FAM120C: variants seen among roughly 807,000 people sequenced by gnomAD.
The protein encoded by FAM120C is family with sequence similarity 120 member C.
Under a neutral mutation model 71.2 loss-of-function variants are expected in FAM120C, and 14 were observed. The observed-to-expected ratio is 0.20, with a 90% CI of 0.13 to 0.31. FAM120C has a LOEUF of 0.31. FAM120C is among the 10% of genes least tolerant of loss of function. The pLI is 1.00. For synonymous variants in FAM120C, 354 were observed against 353.2 expected (o/e 1.00, Z -0.03); for missense variants, 500 against 879.0 (o/e 0.57, Z 5.45).
Position 54,151,407 on chromosome X carries a change from T to A in FAM120C, c.1030-34A>T, listed in dbSNP as rs782801375. ...GCAAGATAAGCAAGGGACACTGACA[T>A]CAAAGATGGATCACTAAGAAAAAGA... On this transcript the variant is annotated intron_variant, in intron 3 of 15. Transcript: ENST00000375180. The A allele has an allele frequency of 3.6e-5, 42 of 1,180,691 alleles. No individual in the cohort carries two copies. The South Asian group carries it at 6.6e-4, about 18-fold the overall frequency.
At chrX:54,182,046 G>A (rs1557137437) in intron 1 of FAM120C, among the ~76,000 whole-genome samples, 1 of 111,758 alleles carries the variant, frequency 8.9e-6, no homozygotes, top group African/African-American at 3.2e-5. Context: ...CAATGTAGAA[G>A]AAAGGTGTTC....
At chrX:54,182,323 G>T (rs782423778) in intron 1 of FAM120C, among the ~76,000 whole-genome samples, 177 bp downstream of exon 1, 2 of 110,831 alleles carry the variant, frequency 1.8e-5, no homozygotes, top group East Asian at 5.7e-4. Flanking sequence ...TGGTATGAAG[G>T]GGGAGGTAAA....
At chrX:54,138,811 T>G (rs782714520) in intron 4 of FAM120C, among the ~76,000 whole-genome samples, 132 of 112,410 alleles carry the variant, frequency 1.2e-3, no homozygotes, top group African/African-American at 4.1e-3. Flanking sequence ...AGAGCGAGAC[T>G]GTCTAAACAA....
chrX:54,086,605 A>C (rs1296180455), intron 12 of FAM120C, among the ~76,000 whole-genome samples: 3 of 109,113 alleles, frequency 2.7e-5, no homozygotes, highest in Non-Finnish European at 5.7e-5. Context: ...AATACAAAAA[A>C]TTAGCCAGGC....
rs1226233963 is a variant in FAM120C, at chrX:54,182,551, C to A, written c.648G>T (p.Pro216=). 1 of 1,210,750 alleles carries A rather than the reference C, an allele frequency of 8.3e-7. No homozygotes were observed. The highest frequency in any genetic ancestry group is 1.7e-5 in the African/African-American group (1 of 57,939). Residue 216 remains proline, a synonymous_variant, in exon 1 of 16, where the codon CCG becomes CCT. Transcript: ENST00000375180. ...TPPPRAWFLP[P]ACLSHCVRLA... is the part of the protein sequence containing the mutation. ...GCCTCACGCAGTGGCTCAGGCAGGC[C>A]GGTGGCAGGAACCAGGCCCGCGGTG... is the stretch of plus-strand genomic sequence containing the variant.
intron 9 of FAM120C, among the ~76,000 whole-genome samples, chrX:54,129,277 G>A (rs1296872987): frequency 1.4e-4 from 15 of 104,011 alleles, no homozygotes; most frequent in Admixed American, 1.1e-3. Context: ...GGCGGCTGCC[G>A]GGCGGAGGGT....
chrX:54,183,148 G>A lies in FAM120C; in HGVS notation c.51C>T (p.Ala17=), dbSNP rs1557137893. 4 of 1,152,924 alleles carry A rather than the reference G, an allele frequency of 3.5e-6. No individual in the cohort carries two copies. In the Admixed American group the frequency reaches 1.1e-4, roughly 30 times the overall value. The change falls in exon 1 of 16, where the codon GCC becomes GCT. Residue 17 remains alanine, a synonymous_variant. Transcript: ENST00000375180. The stretch of plus-strand genomic sequence containing the variant: ...GTTTTAGGAGGTCCACGGGCACCAC[G>A]GCCCCGGGACAGCGCTTCTCCAGGA... ...QEFLEKRCPG[A]VVPVDLLKLA...
At chrX:54,181,985 C>T (rs1404865764) in intron 1 of FAM120C, among the ~76,000 whole-genome samples, 3 of 111,625 alleles carry the variant, frequency 2.7e-5, no homozygotes, top group Non-Finnish European at 5.6e-5. Context: ...ATGAAAAAGG[C>T]TGAATGGACA....
intron 10 of FAM120C, among the ~76,000 whole-genome samples, chrX:54,103,687 T>C (rs1244487272): frequency 2.7e-5 from 3 of 111,705 alleles, no homozygotes; most frequent in Non-Finnish European, 5.6e-5. Flanking sequence ...TCAATTTTTG[T>C]GATAATACTA....
chrX:54,175,622 C>T (rs1557136572), intron 1 of FAM120C, among the ~76,000 whole-genome samples: 1 of 111,202 alleles, frequency 9.0e-6, no homozygotes, highest in East Asian at 2.8e-4. Context: ...AATCCTCCTG[C>T]CTCAGCCTCC....
At chrX:54,174,597 G>T (rs1432477657) in intron 1 of FAM120C, among the ~76,000 whole-genome samples, 1 of 112,398 alleles carries the variant, frequency 8.9e-6, no homozygotes, top group East Asian at 2.8e-4. Context: ...TGTTAAAAAA[G>T]AAGTGTATTC....
rs1445215105 is a variant in FAM120C at position 54,070,817 on chromosome X, G to T, written c.*2216C>A. The T allele has an allele frequency of 2.7e-5, 3 of 111,619 alleles. No homozygotes were observed. Among genetic ancestry groups the T allele is most frequent in the Admixed American group, 9.6e-5 (1 of 10,401 alleles). 9.2% of individuals were successfully genotyped at this position (111,619 alleles called of 1,213,427 possible). On this transcript the variant is annotated 3_prime_UTR_variant, in exon 16 of 16. Coordinates refer to ENST00000375180, the MANE Select transcript of FAM120C (RefSeq NM_017848.6). ...CTCTTGTCATTTTTCTTTGGTTTAT[G>T]TAAGAAGTATCTGGGCAGGGGTCAA...
At chrX:54,112,607 T>C (rs2066943111) in intron 10 of FAM120C, among the ~76,000 whole-genome samples, 1 of 110,582 alleles carries the variant, frequency 9.0e-6, no homozygotes, top group Admixed American at 9.7e-5. Flanking sequence ...TTTGGGAGGC[T>C]GAGGCGGGCG....
chrX:54,130,377 G>C (rs1557129078), intron 9 of FAM120C, among the ~76,000 whole-genome samples: 1 of 111,465 alleles, frequency 9.0e-6, no homozygotes, highest in East Asian at 2.8e-4. Flanking sequence ...TGAAATCCTT[G>C]TCAGATAATT....
chrX:54,097,338 A>G (rs782159761), intron 10 of FAM120C, among the ~76,000 whole-genome samples: 45 of 112,060 alleles, frequency 4.0e-4, no homozygotes, highest in African/African-American at 1.5e-3. Flanking sequence ...ATACCTTTAC[A>G]GTAAGATAGC....
intron 10 of FAM120C, among the ~76,000 whole-genome samples, chrX:54,114,457 TGTTTTGAGACAGA>T (rs2066956779): frequency 9.0e-6 from 1 of 110,853 alleles, no homozygotes. Flanking sequence ...TTTTTTGTTG[TGTTTTGAGACAGA>T]GTCTCGCTCT....
At chrX:54,113,279 T>C (rs1170968351) in intron 10 of FAM120C, among the ~76,000 whole-genome samples, 1 of 107,231 alleles carries the variant, frequency 9.3e-6, no homozygotes, top group Non-Finnish European at 1.9e-5. Context: ...CTGGCCAACA[T>C]GGTGAAACCC....
At chrX:54,091,239 G>GAA (rs1159405323) in intron 11 of FAM120C, 73 bp downstream of exon 11, 5 of 602,279 alleles carry the variant, frequency 8.3e-6, no homozygotes, top group Non-Finnish European at 7.5e-6. Flanking sequence ...TCAGCTTCAG[G>GAA]AAAAAAAAAA....
Position 54,080,608 on chromosome X carries a change from C to G in FAM120C, c.2979-319G>C, listed in dbSNP as rs915601058. ...GGCGCGGTGGCTCACACCTGTAATC[C>G]CAGCACTTTGGGAGACCGAGGTGGG... On this transcript the variant is annotated intron_variant, in intron 14 of 15. Transcript: ENST00000375180. Among the ~76,000 whole-genome samples, 14 of 111,559 alleles carry G rather than the reference C, an allele frequency of 1.3e-4. 1 individual carries two copies. The highest frequency in any genetic ancestry group is 5.6e-5 in the Non-Finnish European group (3 of 53,146).
Sources: gnomAD v4.1 joint callset for allele counts (sites outside exome capture counted in the v4.1 genomes callset) on GRCh38, gnomAD v4.1.1 for gene constraint, MANE v1.5 for transcripts, NCBI Gene and HGNC (gene_info 2026-07-23, HGNC 2026-07-21) for gene names.